NRBP2: variants seen among roughly 807,000 people sequenced by gnomAD.
NRBP2 encodes the protein nuclear receptor binding protein 2.
NRBP2 carries 47 observed loss-of-function variants against 74.4 expected under a neutral mutation model. The observed-to-expected ratio is 0.63, with a 90% CI of 0.50 to 0.81. The LOEUF is 0.81. Ranked by LOEUF, NRBP2 falls within the 30% of genes least tolerant of loss-of-function variation. The pLI, the probability that NRBP2 is intolerant of heterozygous loss-of-function variation, is 0.00. For synonymous variants in NRBP2, 312 were observed against 273.8 expected, an observed-to-expected ratio of 1.14 and a Z score of -1.38; for missense variants, 613 against 690.1, an observed-to-expected ratio of 0.89 and a Z score of 1.25.
At position 143,835,559 on chromosome 8, in the gene NRBP2, T is replaced by C; in HGVS notation, c.*103A>G. Reference sequence around the variant, plus strand: ...TCCTTCACTACCGGGGCCTTTGTGCTCCCAGGCGCATGGAGGAGGGCAGCC... The same window carrying C: ...TCCTTCACTACCGGGGCCTTTGTGCCCCCAGGCGCATGGAGGAGGGCAGCC... On this transcript the variant is annotated 3_prime_UTR_variant, in exon 18 of 18. Coordinates refer to ENST00000442628, the MANE Select transcript of NRBP2 (RefSeq NM_178564.4). The surrounding 1 kb of genome is among the most constrained non-coding windows in gnomAD (Gnocchi z 4.9). The C allele has an allele frequency of 1.0e-6, 1 of 987,800 alleles. No individual in the cohort carries two copies. Among genetic ancestry groups the C allele is most frequent in the Non-Finnish European group, 1.5e-6 (1 of 673,122 alleles). The allele number at this position is 987,800 out of a possible 1,614,324, so 61.2% of individuals were successfully genotyped here. A position where few individuals can be genotyped will look rare whatever the true frequency, so the allele number is the denominator to read the frequency against.
intron 14 of NRBP2, among the ~76,000 whole-genome samples, chr8:143,836,759 G>A (rs942739667): frequency 6.6e-6 from 1 of 151,724 alleles, no homozygotes; most frequent in Non-Finnish European, 1.5e-5. Flanking sequence ...AAGAGCCCGG[G>A]TGAGTTCTGG....
intron 10 of NRBP2, chr8:143,838,183 C>T (rs1324656145): frequency 7.4e-6 from 3 of 403,262 alleles, no homozygotes; most frequent in Non-Finnish European, 1.4e-5. Flanking sequence ...CTCCTGAGGC[C>T]ATGGAGTTAA....
chr8:143,838,636 G>A lies in NRBP2; in HGVS notation c.840+44C>T, dbSNP rs1554652552. ...CTGGAGCACCTTGCTAGCCCTAGCT[G>A]AGCACGGTGAGCCAGCTGGGGAGGG... is the stretch of plus-strand genomic sequence containing the variant. On this transcript the variant is annotated intron_variant, in intron 10 of 17. Transcript: ENST00000442628. The A allele has an allele frequency of 2.8e-6, 4 of 1,448,678 alleles. No individual in the cohort carries two copies. The Admixed American group carries it at 5.5e-5, about 20-fold the overall frequency. 89.7% of individuals were successfully genotyped at this position (1,448,678 alleles called of 1,614,324 possible).
chr8:143,837,915 G>GT lies in NRBP2; in HGVS notation c.841-161_841-160insA. 1 of 859,524 alleles carries GT rather than the reference G, an allele frequency of 1.2e-6. No homozygotes were observed. Among genetic ancestry groups the GT allele is most frequent in the Non-Finnish European group, 1.9e-6 (1 of 528,602 alleles). 53.2% of individuals were successfully genotyped at this position (859,524 alleles called of 1,614,324 possible). A position where few individuals can be genotyped will look rare whatever the true frequency, so the allele number is the denominator to read the frequency against. On this transcript the variant is annotated intron_variant, in intron 10 of 17. Transcript: ENST00000442628. The surrounding 1 kb of genome is among the most constrained non-coding windows in gnomAD (Gnocchi z 4.3). ...GAGGAGTCCCAGCAGCAGCAGCCAGGCCAGGACCTGGTCCTCTGAGCTTGA... is the reference window on the plus strand; with the variant it reads ...GAGGAGTCCCAGCAGCAGCAGCCAGGTCCAGGACCTGGTCCTCTGAGCTTGA...
In NRBP2 at chr8:143,833,816, A is replaced by C. The variant is rs558860323; in HGVS notation, c.*1846T>G. The C allele has an allele frequency of 6.6e-6, 1 of 152,350 alleles. No individual in the cohort carries two copies. The highest frequency in any genetic ancestry group is 1.5e-5 in the Non-Finnish European group (1 of 68,034). 9.4% of individuals were successfully genotyped at this position (152,350 alleles called of 1,614,324 possible). A position where few individuals can be genotyped will look rare whatever the true frequency, so the allele number is the denominator to read the frequency against. The stretch of plus-strand genomic sequence containing the variant: ...CCACTGAAACCATTTAGAACCATGC[A>C]TAATCAGACAGTTTAGCATGAGGGT... On this transcript the variant is annotated 3_prime_UTR_variant, in exon 18 of 18. Coordinates refer to ENST00000442628, the MANE Select transcript of NRBP2 (RefSeq NM_178564.4).
rs1818626535 is a variant in NRBP2 at position 143,840,060 on chromosome 8, C to G, written c.253-30G>C. The G allele has an allele frequency of 6.5e-7, 1 of 1,536,126 alleles. No homozygotes were observed. Among genetic ancestry groups the G allele is most frequent in the Admixed American group, 2.0e-5 (1 of 51,010 alleles). ...GGAGGGAGGGTGGTCGCTGGGTGGTCAGCAGGTGGTCACCCAAGCAGGATG... is the reference window on the plus strand; with the variant it reads ...GGAGGGAGGGTGGTCGCTGGGTGGTGAGCAGGTGGTCACCCAAGCAGGATG... On this transcript the variant is annotated intron_variant, in intron 2 of 17. Coordinates refer to ENST00000442628, the MANE Select transcript of NRBP2 (RefSeq NM_178564.4). The surrounding 1 kb of genome is among the most constrained non-coding windows in gnomAD (Gnocchi z 5.7).
At position 143,837,137 on chromosome 8, in the gene NRBP2, G is replaced by T; in HGVS notation, c.1165C>A (p.Arg389=). Residue 389 remains arginine (R), a synonymous_variant, in exon 14 of 18, where the codon CGA becomes AGA. Coordinates refer to ENST00000442628, the MANE Select transcript of NRBP2 (RefSeq NM_178564.4). The surrounding 1 kb of genome is among the most constrained non-coding windows in gnomAD (Gnocchi z 4.3). The part of the protein sequence containing the change: ...IYPLMNFAAT[R]PLGLPRVLAP... ...AGCACACGGGGCAGCCCCAGGGGTC[G>T]AGTGGCTGCAAAGTTCATCAGTGGG... 2 of 1,612,262 alleles carry T rather than the reference G, an allele frequency of 1.2e-6. No individual in the cohort carries two copies. Among genetic ancestry groups the T allele is most frequent in the Admixed American group, 1.7e-5 (1 of 59,968 alleles).
In NRBP2 at chr8:143,835,215, T is replaced by C. The variant is rs149007785; in HGVS notation, c.*447A>G. The C allele has an allele frequency of 0.015, 2,989 of 199,588 alleles. 37 individuals carry two copies. The highest frequency in any genetic ancestry group is 0.021 in the Non-Finnish European group (2,062 of 96,968). The allele number at this position is 199,588 out of a possible 1,614,324, so 12.4% of individuals were successfully genotyped here. On this transcript the variant is annotated 3_prime_UTR_variant, in exon 18 of 18. Transcript: ENST00000442628. This position sits in a 1 kb window ranked among gnomAD's most constrained non-coding sequence, Gnocchi z 4.9. ...TGTGCAGGCTCCTTGTGTGGGTCTA[T>C]GGTGCCAGCAGGGGATGGCTGCTCT...
rs1554651367 is a variant in NRBP2, at chr8:143,835,746, G to A, written c.1438-16C>T. 5 of 1,596,792 alleles carry A rather than the reference G, an allele frequency of 3.1e-6. No homozygotes were observed. Among genetic ancestry groups the A allele is most frequent in the Admixed American group, 1.8e-5 (1 of 55,696 alleles). On this transcript the variant is annotated splice_polypyrimidine_tract_variant and intron_variant, in intron 17 of 17. Transcript: ENST00000442628. This position sits in a 1 kb window ranked among gnomAD's most constrained non-coding sequence, Gnocchi z 4.9. ...TCCGGTCGTCCTGCGGAAGGAGGGA[G>A]GCATGGGGGACGGAGGGGCGCGGCC... is the stretch of plus-strand genomic sequence containing the variant.
Position 143,837,248 on chromosome 8 carries a change from C to T in NRBP2, c.1127+1G>A. On this transcript the variant is annotated splice_donor_variant, in intron 13 of 17. Transcript: ENST00000442628. LOFTEE classifies it high-confidence loss of function. This position sits in a 1 kb window ranked among gnomAD's most constrained non-coding sequence, Gnocchi z 4.3. ...GCCCCCAACCTTACATCAGTTCTCA[C>T]CTGACATCCTCCAGGAATTTGTCCA... 6.2e-7 allele frequency: 1 copy of T among 1,613,890 alleles called. No individual in the cohort carries two copies. The highest frequency in any genetic ancestry group is 8.5e-7 in the Non-Finnish European group (1 of 1,179,976).
rs782035190 is a variant in NRBP2, at chr8:143,837,598, C to T, written c.973+25G>A. On this transcript the variant is annotated intron_variant, in intron 11 of 17. Coordinates refer to ENST00000442628, the MANE Select transcript of NRBP2 (RefSeq NM_178564.4). This position sits in a 1 kb window ranked among gnomAD's most constrained non-coding sequence, Gnocchi z 4.3. The stretch of plus-strand genomic sequence containing the variant: ...GTCCCAACCTCCACCTCCCCAGCCA[C>T]CCCCCGGGCCGGCCTGCTGCTCACA... The T allele has an allele frequency of 3.9e-5, 62 of 1,595,188 alleles. No individual in the cohort carries two copies. The East Asian group carries it at 1.3e-3, about 34-fold the overall frequency.
In NRBP2 at chr8:143,837,884, C is replaced by T; in HGVS notation, c.841-129G>A. On this transcript the variant is annotated intron_variant, in intron 10 of 17. Coordinates refer to ENST00000442628, the MANE Select transcript of NRBP2 (RefSeq NM_178564.4). This position sits in a 1 kb window ranked among gnomAD's most constrained non-coding sequence, Gnocchi z 4.3. ...GACACACAGGACATGCAGGGATGCC[C>T]ATAGGGAGGAGTCCCAGCAGCAGCA... is the stretch of plus-strand genomic sequence containing the variant. The T allele has an allele frequency of 8.5e-7, 1 of 1,176,772 alleles. No individual in the cohort carries two copies. Among genetic ancestry groups the T allele is most frequent in the South Asian group, 1.3e-5 (1 of 76,494 alleles). 72.9% of individuals were successfully genotyped at this position (1,176,772 alleles called of 1,614,324 possible).
In NRBP2 at chr8:143,835,735, G is replaced by A. The variant is rs782593300; in HGVS notation, c.1438-5C>T. On this transcript the variant is annotated splice_region_variant and splice_polypyrimidine_tract_variant and intron_variant, in intron 17 of 17. Transcript: ENST00000442628. The surrounding 1 kb of genome is among the most constrained non-coding windows in gnomAD (Gnocchi z 4.9). ...GGCCAGCTTCATCCGGTCGTCCTGC[G>A]GAAGGAGGGAGGCATGGGGGACGGA... 68 of 1,597,960 alleles carry A rather than the reference G, an allele frequency of 4.3e-5. No individual in the cohort carries two copies. The highest frequency in any genetic ancestry group is 5.5e-5 in the Non-Finnish European group (64 of 1,174,036).
downstream of NRBP2, among the ~76,000 whole-genome samples, chr8:143,830,530 A>G (rs1818113222): frequency 6.6e-6 from 1 of 152,252 alleles, no homozygotes. Context: ...CCCGCATGCC[A>G]TCAGGCTTCT....
At chr8:143,836,905 C>G (rs1376665734) in intron 14 of NRBP2, 134 bp downstream of exon 14, 3 of 1,044,628 alleles carry the variant, frequency 2.9e-6, no homozygotes, top group East Asian at 2.4e-5. Context: ...GGGGGTCAGC[C>G]TGGATCTGGT....
chr8:143,835,983 G>C lies in NRBP2; in HGVS notation c.1365C>G (p.Thr455=), dbSNP rs1554651579. The C allele has an allele frequency of 2.5e-6, 4 of 1,585,750 alleles. No individual in the cohort carries two copies. The highest frequency in any genetic ancestry group is 2.6e-6 in the Non-Finnish European group (3 of 1,167,020). Residue 455 remains threonine, a synonymous_variant, in exon 16 of 18, where the codon ACC becomes ACG. Coordinates refer to ENST00000442628, the MANE Select transcript of NRBP2 (RefSeq NM_178564.4). The surrounding 1 kb of genome is among the most constrained non-coding windows in gnomAD (Gnocchi z 4.9). ...VLEDRLHRQL[T]YDLLPTDSAQ... ...CCAGCCTACTTGGGAGCAGGTCGTA[G>C]GTCAGCTGCCGGTGCAGCCGGTCTT...
At position 143,837,446 on chromosome 8, in the gene NRBP2, G is replaced by C; in HGVS notation, c.1037C>G (p.Ala346Gly). ...TKAMDLHAVL[A>G]ELPRPRRPPL... Reference sequence around the variant, plus strand: ...GGGCCTGCGGGGCCGGGGAAGCTCCGCCAAGACCGCGTGCAGGTCCATGGC... The same window carrying C: ...GGGCCTGCGGGGCCGGGGAAGCTCCCCCAAGACCGCGTGCAGGTCCATGGC... The change falls in exon 12 of 18, where the codon GCG becomes GGG. Residue 346 changes from alanine (A) to glycine (G), a missense_variant. Ala to Gly is a moderately conservative substitution (Grantham distance 60). Coordinates refer to ENST00000442628, the MANE Select transcript of NRBP2 (RefSeq NM_178564.4). This position sits in a 1 kb window ranked among gnomAD's most constrained non-coding sequence, Gnocchi z 4.3. The C allele has an allele frequency of 6.2e-7, 1 of 1,609,024 alleles. No individual in the cohort carries two copies. The highest frequency in any genetic ancestry group is 8.5e-7 in the Non-Finnish European group (1 of 1,178,632).
Position 143,840,306 on chromosome 8 carries a change from C to T in NRBP2, c.130-77G>A, listed in dbSNP as rs1818638810. ...GTGAGGATTTGGTCCCTGTCCACAC[C>T]TTTCCAGTGGGCCCAAGCGTGGGCT... On this transcript the variant is annotated intron_variant, in intron 1 of 17. Transcript: ENST00000442628. This position sits in a 1 kb window ranked among gnomAD's most constrained non-coding sequence, Gnocchi z 5.7. 1 of 1,509,696 alleles carries T rather than the reference C, an allele frequency of 6.6e-7. No homozygotes were observed. The highest frequency in any genetic ancestry group is 1.4e-5 in the African/African-American group (1 of 72,598). The allele number at this position is 1,509,696 out of a possible 1,614,324, so 93.5% of individuals were successfully genotyped here.
At chr8:143,836,301 C>T (rs1818383040) in intron 14 of NRBP2, 121 bp from the exon 15 acceptor site, 10 of 1,349,708 alleles carry the variant, frequency 7.4e-6, no homozygotes, top group Non-Finnish European at 8.7e-6. Flanking sequence ...AGGAGCCCAT[C>T]TCACTGCTAG....
Sources: allele counts gnomAD v4.1 joint callset (sites outside exome capture counted in the v4.1 genomes callset), GRCh38; gene constraint gnomAD v4.1.1; non-coding constraint Gnocchi (gnomAD v3.1); transcripts MANE v1.5; gene names NCBI Gene and HGNC (gene_info 2026-07-23, HGNC 2026-07-21).